The following RNF169 variants were observed in gnomAD, a reference collection of about 807,000 sequenced individuals.
The protein encoded by RNF169 is E3 ubiquitin-protein ligase RNF169.
In RNF169, 24 loss-of-function variants were observed where a neutral mutation model predicts 53.9. The ratio of observed to expected loss-of-function variants is 0.45; its 90% CI spans 0.32 to 0.63. The LOEUF is 0.63. RNF169 is among the 20% of genes least tolerant of loss of function. RNF169 has a pLI of 0.04. For missense variants in RNF169, 883 were observed against 906.2 expected, an observed-to-expected ratio of 0.97 and a Z score of 0.33; for synonymous variants, 396 against 363.5, an observed-to-expected ratio of 1.09 and a Z score of -1.02.
intron 1 of RNF169, among the ~76,000 whole-genome samples, chr11:74,762,914 C>T (rs2035111181): frequency 6.6e-6 from 1 of 152,058 alleles, no homozygotes; most frequent in African/African-American, 2.4e-5. Context: ...CAGGTGTTCT[C>T]TTCCTAGCAG....
chr11:74,788,822 GT>G, intron 1 of RNF169, among the ~76,000 whole-genome samples: 1 of 152,026 alleles, frequency 6.6e-6, no homozygotes. Flanking sequence ...TTCTTGATGG[GT>G]TGCTCTTGTT....
intron 1 of RNF169, among the ~76,000 whole-genome samples, chr11:74,777,774 A>G (rs1227782875): frequency 1.3e-5 from 2 of 151,868 alleles, no homozygotes; most frequent in Non-Finnish European, 2.9e-5. Context: ...GACTACAAAT[A>G]TGCACCACCA....
intron 3 of RNF169, among the ~76,000 whole-genome samples, chr11:74,810,871 A>T (rs1453225624): frequency 6.6e-6 from 1 of 152,214 alleles, no homozygotes; most frequent in Non-Finnish European, 1.5e-5. Flanking sequence ...CAAGTTGTGT[A>T]TTTAACTTAC....
chr11:74,771,717 A>T (rs1015064395), intron 1 of RNF169, among the ~76,000 whole-genome samples: 2 of 152,130 alleles, frequency 1.3e-5, no homozygotes, highest in African/African-American at 4.8e-5. Context: ...AAAAAATAAA[A>T]TATACAAAAT....
At chr11:74,821,657 C>CAAAAAAAAAA (rs1230736435) in intron 4 of RNF169, among the ~76,000 whole-genome samples, 11 of 26,062 alleles carry the variant, frequency 4.2e-4, no homozygotes, top group Admixed American at 5.2e-4. Flanking sequence ...GACTCCGTCT[C>CAAAAAAAAAA]AAAAAAAAAA....
At chr11:74,766,979 ATTTTTAT>A (rs1354104988) in intron 1 of RNF169, among the ~76,000 whole-genome samples, 1 of 152,152 alleles carries the variant, frequency 6.6e-6, no homozygotes, top group Non-Finnish European at 1.5e-5. Flanking sequence ...ATGAACACAG[ATTTTTAT>A]TTTTTGTCTT....
rs567488306 is a variant in RNF169 at position 74,840,054 on chromosome 11, T to C, written c.*3324T>C. ...AAATGTCCTTAAGAGATTAAAGCTC[T>C]TAATTGATTACTGTCTGGTTACAAA... On this transcript the variant is annotated 3_prime_UTR_variant, in exon 6 of 6. Coordinates refer to ENST00000299563, the MANE Select transcript of RNF169 (RefSeq NM_001098638.2). 2.0e-5 allele frequency: 3 copies of C among 152,346 alleles called. No homozygotes were observed. The South Asian group carries it at 6.2e-4, about 32-fold the overall frequency. 9.4% of individuals were successfully genotyped at this position (152,346 alleles called of 1,614,324 possible).
rs1478134862 is a variant in RNF169 at position 74,841,977 on chromosome 11, G to A, written c.*5247G>A. The A allele has an allele frequency of 6.6e-6, 1 of 151,792 alleles. No homozygotes were observed. The highest frequency in any genetic ancestry group is 2.4e-5 in the African/African-American group (1 of 41,256). The allele number at this position is 151,792 out of a possible 1,614,324, so 9.4% of individuals were successfully genotyped here. On this transcript the variant is annotated 3_prime_UTR_variant, in exon 6 of 6. Transcript: ENST00000299563. ...TAGTGAGAGAATAGATACTATGCAA[G>A]GGAAAAAAATTTAAATGCCAACGAA...
At chr11:74,756,063 A>T (rs2034977780) in intron 1 of RNF169, among the ~76,000 whole-genome samples, 1 of 152,172 alleles carries the variant, frequency 6.6e-6, no homozygotes, top group African/African-American at 2.4e-5. Flanking sequence ...CAGGCAAGCG[A>T]CGAAGAGGGC....
chr11:74,809,622 C>G (rs7130329), intron 2 of RNF169, among the ~76,000 whole-genome samples: 3,623 of 152,276 alleles, frequency 0.024, 121 homozygotes, highest in African/African-American at 0.083. Flanking sequence ...GAGTTCAAGA[C>G]CAGCCTGGGC....
At chr11:74,753,090 T>C (rs562995043) in intron 1 of RNF169, among the ~76,000 whole-genome samples, 16 of 152,310 alleles carry the variant, frequency 1.1e-4, no homozygotes, top group African/African-American at 3.9e-4. Context: ...TGTCTCCATC[T>C]CCCGAGTAGC....
At chr11:74,761,568 T>G (rs1443231896) in intron 1 of RNF169, among the ~76,000 whole-genome samples, 9 of 152,080 alleles carry the variant, frequency 5.9e-5, no homozygotes, top group Non-Finnish European at 1.3e-4. Flanking sequence ...CCTTCACTTA[T>G]GAAGCTTAGT....
At chr11:74,786,130 G>A (rs536063351) in intron 1 of RNF169, among the ~76,000 whole-genome samples, 12 of 151,710 alleles carry the variant, frequency 7.9e-5, no homozygotes, top group Non-Finnish European at 1.6e-4. Flanking sequence ...TAGGAGAGAC[G>A]GGGTTTCACC....
At chr11:74,828,823 T>C (rs2135144349) in intron 4 of RNF169, among the ~76,000 whole-genome samples, 2 of 152,204 alleles carry the variant, frequency 1.3e-5, no homozygotes, top group East Asian at 3.9e-4. Context: ...CCTTACACCA[T>C]ATAAAAAATA....
Position 74,836,459 on chromosome 11 carries a change from G to C in RNF169, c.1856G>C (p.Arg619Pro), listed in dbSNP as rs200124433. The C allele has an allele frequency of 1.9e-6, 3 of 1,614,032 alleles. No homozygotes were observed. Among genetic ancestry groups the C allele is most frequent in the African/African-American group, 1.3e-5 (1 of 74,902 alleles). The change falls in exon 6 of 6, where the codon CGT becomes CCT. Residue 619 changes from arginine to proline, a missense_variant. Physicochemically the swap from Arg to Pro is moderately radical, Grantham distance 103. Transcript: ENST00000299563. ...AGTGAAGAGCCACTTCCTTCTTTGCGTCGAGGCCGGAAAAGACACTGCAAG... is the reference window on the plus strand; with the variant it reads ...AGTGAAGAGCCACTTCCTTCTTTGCCTCGAGGCCGGAAAAGACACTGCAAG... ...SLSEEPLPSL[R>P]RGRKRHCKTK... is the part of the protein sequence containing the mutation.
At position 74,836,247 on chromosome 11, in the gene RNF169, T is replaced by A. The variant is rs1035238510; in HGVS notation, c.1644T>A (p.Phe548Leu). The part of the protein sequence containing the change: ...GSGTSLEREQ[F>L]EGLGSTPDAK... ...GGACTTCTTTGGAGAGGGAGCAGTT[T>A]GAGGGGTTAGGGTCAACTCCAGATG... The change falls in exon 6 of 6, where the codon TTT becomes TTA. Residue 548 changes from phenylalanine (F) to leucine (L), a missense_variant. By Grantham distance (22) the Phe-to-Leu change is conservative (BLOSUM62 0). Coordinates refer to ENST00000299563, the MANE Select transcript of RNF169 (RefSeq NM_001098638.2). 1.4e-5 allele frequency: 23 copies of A among 1,614,024 alleles called. No homozygotes were observed. Among genetic ancestry groups the A allele is most frequent in the Non-Finnish European group, 1.8e-5 (21 of 1,180,020 alleles).
In RNF169 at chr11:74,839,964, A is replaced by G. The variant is rs568178602; in HGVS notation, c.*3234A>G. On this transcript the variant is annotated 3_prime_UTR_variant, in exon 6 of 6. Coordinates refer to ENST00000299563, the MANE Select transcript of RNF169 (RefSeq NM_001098638.2). ...TTTTTAAATTTTAATTTAATTTTTA[A>G]ATTTTTGCTTGGAAGCAGCACTGGT... is the stretch of plus-strand genomic sequence containing the variant. The G allele has an allele frequency of 1.1e-4, 17 of 152,080 alleles. No homozygotes were observed. The highest frequency in any genetic ancestry group is 2.1e-4 in the Non-Finnish European group (14 of 68,010). The allele number at this position is 152,080 out of a possible 1,614,324, so 9.4% of individuals were successfully genotyped here.
chr11:74,801,338 C>T (rs1341920049), intron 2 of RNF169, among the ~76,000 whole-genome samples: 1 of 152,128 alleles, frequency 6.6e-6, no homozygotes, highest in Non-Finnish European at 1.5e-5. Flanking sequence ...TTTTTGTGGA[C>T]AGCATCAGCA....
chr11:74,760,266 T>A (rs2035060110), intron 1 of RNF169, among the ~76,000 whole-genome samples: 1 of 152,230 alleles, frequency 6.6e-6, no homozygotes, highest in African/African-American at 2.4e-5. Context: ...AACCAGCTCC[T>A]GGATTCATTG....
Sources: gnomAD v4.1 joint callset for allele counts (sites outside exome capture counted in the v4.1 genomes callset) on GRCh38, gnomAD v4.1.1 for gene constraint, MANE v1.5 for transcripts, NCBI Gene and HGNC (gene_info 2026-07-23, HGNC 2026-07-21) for gene names.